METTL16: variants seen among roughly 807,000 people sequenced by gnomAD.
METTL16 encodes RNA N(6)-adenosine-methyltransferase METTL16.
METTL16 carries 19 observed loss-of-function variants against 57.9 expected under a neutral mutation model. The ratio of observed to expected loss-of-function variants is 0.33; its 90% CI spans 0.23 to 0.48. The LOEUF (loss-of-function observed/expected upper bound fraction) is 0.48, where lower values mean the gene tolerates loss of function less well. Ranked by LOEUF, METTL16 falls within the 20% of genes least tolerant of loss-of-function variation. The pLI is 0.99. For synonymous variants in METTL16, 246 were observed against 255.6 expected (o/e 0.96, Z 0.36); for missense variants, 434 against 691.5 (o/e 0.63, Z 4.18).
chr17:2,510,955 G>GT (rs1199006350), intron 1 of METTL16, among the ~76,000 whole-genome samples: 1 of 152,090 alleles, frequency 6.6e-6, no homozygotes, highest in Non-Finnish European at 1.5e-5. Context: ...TCTCCCGTCA[G>GT]TAAGTTTCAA....
At chr17:2,447,930 G>A (rs2067022512) in intron 6 of METTL16, among the ~76,000 whole-genome samples, 2 of 110,222 alleles carry the variant, frequency 1.8e-5, no homozygotes, top group Non-Finnish European at 3.7e-5. Context: ...CCGGCCAGCC[G>A]CCCCGTCCGG....
intron 8 of METTL16, among the ~76,000 whole-genome samples, chr17:2,422,847 G>T (rs1415644870): frequency 0.026 from 1 of 38 alleles, no homozygotes; most frequent in Non-Finnish European, 0.083. Context: ...AGCCGGGTGT[G>T]GTGGCCGCGC....
chr17:2,502,684 G>A (rs534229516), intron 1 of METTL16, among the ~76,000 whole-genome samples: 2 of 151,102 alleles, frequency 1.3e-5, no homozygotes, highest in African/African-American at 2.4e-5. Flanking sequence ...GCGAAACTCC[G>A]TCTCAAAAAA....
intron 6 of METTL16, among the ~76,000 whole-genome samples, chr17:2,442,832 G>A (rs997268549): frequency 8.9e-5 from 13 of 145,400 alleles, no homozygotes; most frequent in Middle Eastern, 3.5e-3. Flanking sequence ...AACTTCAATA[G>A]TTCTTTTTTT....
intron 8 of METTL16, among the ~76,000 whole-genome samples, chr17:2,432,220 G>C (rs1184263161): frequency 6.6e-6 from 1 of 152,162 alleles, no homozygotes; most frequent in Non-Finnish European, 1.5e-5. Context: ...AAAGTGCTGG[G>C]ATTACAGGTG....
intron 6 of METTL16, among the ~76,000 whole-genome samples, chr17:2,445,431 T>C (rs939974026): frequency 1.3e-5 from 2 of 152,172 alleles, no homozygotes; most frequent in African/African-American, 4.8e-5. Flanking sequence ...TATTAAAACA[T>C]CACCTTGTAC....
At chr17:2,498,360 C>T (rs1178785273) in intron 2 of METTL16, among the ~76,000 whole-genome samples, 3 of 151,328 alleles carry the variant, frequency 2.0e-5, no homozygotes, top group Non-Finnish European at 4.4e-5. Context: ...TGCGGTGAGC[C>T]GAGACAGCGC....
intron 2 of METTL16, among the ~76,000 whole-genome samples, chr17:2,501,343 A>C (rs2067485571): frequency 6.6e-6 from 1 of 152,108 alleles, no homozygotes; most frequent in African/African-American, 2.4e-5. Context: ...GCAGGAAGAC[A>C]GCTTGAGCCC....
intron 2 of METTL16, among the ~76,000 whole-genome samples, chr17:2,495,935 C>T (rs2067441945): frequency 6.6e-6 from 1 of 151,312 alleles, no homozygotes; most frequent in Non-Finnish European, 1.5e-5. Context: ...ATGGCAAAAC[C>T]TTGTCTCTAC....
At chr17:2,497,474 G>C (rs941344314) in intron 2 of METTL16, among the ~76,000 whole-genome samples, 1 of 150,860 alleles carries the variant, frequency 6.6e-6, no homozygotes, top group Non-Finnish European at 1.5e-5. Context: ...CACCACGCCC[G>C]GCTCATTTTT....
intron 6 of METTL16, among the ~76,000 whole-genome samples, chr17:2,443,087 CAAGCGA>C (rs1220910321): frequency 1.3e-5 from 2 of 151,892 alleles, no homozygotes; most frequent in African/African-American, 4.8e-5. Flanking sequence ...CTTCCGGGCT[CAAGCGA>C]TTTTCCCGCC....
At chr17:2,477,331 AAGAACGGTAATGCAGGCTGAGG>A in intron 3 of METTL16, 15 of 214,828 alleles carry the variant, frequency 7.0e-5, no homozygotes, top group East Asian at 2.1e-4. Context: ...TGTAGTAAAA[AAGAACGGTAATGCAGGCTGAGG>A]ATCCCTAATC....
At chr17:2,426,981 GAA>G (rs34249994) in intron 8 of METTL16, among the ~76,000 whole-genome samples, 42 of 141,986 alleles carry the variant, frequency 3.0e-4, no homozygotes, top group African/African-American at 3.6e-4. Context: ...CTAAAAATAC[GAA>G]AAAAAAAAAA....
intron 2 of METTL16, among the ~76,000 whole-genome samples, chr17:2,487,512 A>T (rs1387886936): frequency 1.3e-5 from 2 of 152,196 alleles, no homozygotes; most frequent in African/African-American, 4.8e-5. Flanking sequence ...GAAGAAGGAA[A>T]ACCAGTTTTC....
rs1488517852 is a variant in METTL16, at chr17:2,459,731, G to C, written c.728+4477C>G. ...AAAATATGCATGGGGGCCGGGCGCA[G>C]TGGCTCATGCCTTTCATCCCAGCAC... On this transcript the variant is annotated intron_variant, in intron 6 of 9. Coordinates refer to ENST00000263092, the MANE Select transcript of METTL16 (RefSeq NM_024086.4). Among the ~76,000 whole-genome samples, 51 of 152,204 alleles carry C rather than the reference G, an allele frequency of 3.4e-4. 1 individual carries two copies. The highest frequency in any genetic ancestry group is 2.9e-5 in the Non-Finnish European group (2 of 68,034).
chr17:2,424,840 T>C (rs2066805144), intron 8 of METTL16, among the ~76,000 whole-genome samples: 1 of 151,812 alleles, frequency 6.6e-6, no homozygotes, highest in Non-Finnish European at 1.5e-5. Flanking sequence ...CCCAGCTACT[T>C]GGGAGGCTGA....
intron 1 of METTL16, among the ~76,000 whole-genome samples, chr17:2,506,281 G>C (rs2067533125): frequency 1.6e-5 from 1 of 64,010 alleles, no homozygotes; most frequent in African/African-American, 6.2e-5. Context: ...TCTCCCCACG[G>C]TCTCCCTCTC....
intron 2 of METTL16, 58 bp from the exon 3 acceptor site, chr17:2,477,943 G>T: frequency 6.8e-7 from 1 of 1,463,912 alleles, no homozygotes; most frequent in Non-Finnish European, 9.5e-7. Flanking sequence ...TGTTGTACAA[G>T]CTCTACGGCA....
chr17:2,415,764 G>A (rs1485586687), downstream of METTL16: 1 of 152,650 alleles, frequency 6.6e-6, no homozygotes, highest in East Asian at 1.9e-4. Flanking sequence ...TGACAGGCGT[G>A]AGCCACCGCA....
Sources: allele counts gnomAD v4.1 joint callset (sites outside exome capture counted in the v4.1 genomes callset), GRCh38; gene constraint gnomAD v4.1.1; transcripts MANE v1.5; gene names NCBI Gene and HGNC (gene_info 2026-07-23, HGNC 2026-07-21).